Variants in LRRC56 observed in about 807,000 individuals in gnomAD.
LRRC56 encodes leucine-rich repeat-containing protein 56.
In LRRC56, 41 loss-of-function variants were observed where a neutral mutation model predicts 47.8. The observed-to-expected ratio is 0.86, with a 90% CI of 0.67 to 1.11. The LOEUF (loss-of-function observed/expected upper bound fraction) is 1.11. Among genes scored for constraint, LRRC56 ranks in the 50% most tolerant of loss-of-function variants. The pLI is 0.00. For synonymous variants in LRRC56, 387 were observed against 311.2 expected, an observed-to-expected ratio of 1.24 and a Z score of -2.56; for missense variants, 759 against 704.2, an observed-to-expected ratio of 1.08 and a Z score of -0.88.
rs1851799144 is a variant in LRRC56, at chr11:541,620, C to G, written c.261C>G (p.Asn87Lys). The G allele has an allele frequency of 6.4e-7, 1 of 1,567,988 alleles. No individual in the cohort carries two copies. Among genetic ancestry groups the G allele is most frequent in the African/African-American group, 1.4e-5 (1 of 72,950 alleles). Residue 87 changes from asparagine to lysine, a missense_variant, in exon 5 of 14, where the codon AAC becomes AAG. Physicochemically the swap from Asn to Lys is moderately conservative, Grantham distance 94. Transcript: ENST00000270115. This position sits in a 1 kb window ranked among gnomAD's most constrained non-coding sequence, Gnocchi z 4.1. ...ACACTCGTGAGGGCAGCCTGGGGAA[C>G]TTTGGTGAGCCTCTTCCCACCCCGC... Reference protein sequence around the residue: ...CVDTREGSLGNFGVHLPNLDQ... With the variant: ...CVDTREGSLGKFGVHLPNLDQ...
At chr11:527,187 G>A in the LRRC56 span, among the ~76,000 whole-genome samples, 2 of 151,954 alleles carry the variant, frequency 1.3e-5, no homozygotes, top group African/African-American at 4.8e-5. Context: ...TGTAATCCCA[G>A]CTACTCAGGA....
At chr11:530,150 C>T in the LRRC56 span, among the ~76,000 whole-genome samples, 1 of 152,146 alleles carries the variant, frequency 6.6e-6, no homozygotes, top group Non-Finnish European at 1.5e-5. Flanking sequence ...CCACGTCTGT[C>T]CTGGACACCC....
chr11:510,329 C>T, the LRRC56 span, among the ~76,000 whole-genome samples: 4 of 152,154 alleles, frequency 2.6e-5, no homozygotes, highest in Non-Finnish European at 5.9e-5. Flanking sequence ...AGGTCAGGCA[C>T]GGTGGCTCAC....
At chr11:532,032 G>A in the LRRC56 span, among the ~76,000 whole-genome samples, 1 of 152,214 alleles carries the variant, frequency 6.6e-6, no homozygotes, top group Non-Finnish European at 1.5e-5. Context: ...CTTATGATCT[G>A]CCTGCTTGTC....
At chr11:512,254 G>C in the LRRC56 span, among the ~76,000 whole-genome samples, 1 of 151,396 alleles carries the variant, frequency 6.6e-6, no homozygotes, top group Non-Finnish European at 1.5e-5. Context: ...TTTCATTTTT[G>C]AGATGGAGTC....
At chr11:547,142 G>C (rs1852123535) in intron 6 of LRRC56, among the ~76,000 whole-genome samples, 1 of 151,910 alleles carries the variant, frequency 6.6e-6, no homozygotes, top group East Asian at 2.0e-4. Flanking sequence ...TGAGGCATGA[G>C]AATCACTTGG....
intron 6 of LRRC56, among the ~76,000 whole-genome samples, chr11:546,494 G>A (rs966581479): frequency 6.6e-5 from 10 of 152,118 alleles, no homozygotes; most frequent in Non-Finnish European, 1.5e-4. Flanking sequence ...CGTGAACCCA[G>A]GAGGCGGAGC....
At chr11:545,391 G>C (rs545777254) in intron 6 of LRRC56, among the ~76,000 whole-genome samples, 442 of 152,336 alleles carry the variant, frequency 2.9e-3, no homozygotes, top group Admixed American at 6.3e-3. Flanking sequence ...ATGAGGCCAC[G>C]AGCTTGGGGT....
intron 8 of LRRC56, among the ~76,000 whole-genome samples, chr11:550,492 C>T (rs951958436): frequency 6.6e-6 from 1 of 152,202 alleles, no homozygotes; most frequent in Non-Finnish European, 1.5e-5. Flanking sequence ...CCTGCACACA[C>T]GCCATGTCCC....
At chr11:532,493 CA>C in the LRRC56 span, 1 of 1,135,060 alleles carries the variant, frequency 8.8e-7, no homozygotes, top group Non-Finnish European at 1.3e-6. Context: ...CTCCTTCCTG[CA>C]TCCGGCACCT....
In LRRC56 at chr11:550,151, AG is replaced by A; in HGVS notation, c.506del (p.Gly169AlafsTer51). On this transcript the variant is annotated frameshift_variant, in exon 8 of 14. Coordinates refer to ENST00000270115, the MANE Select transcript of LRRC56 (RefSeq NM_198075.4). LOFTEE classifies it high-confidence loss of function. Reference protein sequence around the residue: ...LLEQLEVLDLEGNSVEDLGQV... With the variant: ...LLEQLEVLDLXGNSVEDLGQV... ...GAACAATTGGAGGTGCTGGACCTGG[AG>A]GGCAACAGCGTGGAGGACCTGGGGC... The A allele has an allele frequency of 6.2e-7, 1 of 1,613,448 alleles. No homozygotes were observed. The highest frequency in any genetic ancestry group is 1.7e-4 in the Middle Eastern group (1 of 6,060).
intron 6 of LRRC56, among the ~76,000 whole-genome samples, chr11:547,389 C>T (rs151294271): frequency 3.3e-5 from 5 of 150,870 alleles, no homozygotes; most frequent in African/African-American, 1.2e-4. Context: ...AGTCTCACTC[C>T]GTTGCCCAGG....
the LRRC56 span, among the ~76,000 whole-genome samples, chr11:527,040 G>A: frequency 1.6e-4 from 24 of 152,092 alleles, no homozygotes; most frequent in African/African-American, 7.2e-5. Context: ...GGTGGCTCAC[G>A]CCTGTAATCC....
chr11:550,469 T>A (rs1376393204), intron 8 of LRRC56, among the ~76,000 whole-genome samples, 197 bp downstream of exon 8: 1 of 152,142 alleles, frequency 6.6e-6, no homozygotes, highest in Middle Eastern at 3.2e-3. Flanking sequence ...CCCCGCTAGA[T>A]CCCACAGGGT....
chr11:514,802 C>A, the LRRC56 span, among the ~76,000 whole-genome samples: 1 of 152,122 alleles, frequency 6.6e-6, no homozygotes, highest in Non-Finnish European at 1.5e-5. Flanking sequence ...GGCTTTATTG[C>A]GACATTTGTG....
At chr11:543,466 C>T (rs966184855) in intron 5 of LRRC56, among the ~76,000 whole-genome samples, 5 of 152,154 alleles carry the variant, frequency 3.3e-5, no homozygotes, top group African/African-American at 9.7e-5. Flanking sequence ...CCACCCGCCT[C>T]GGCCTCCCAA....
chr11:529,498 A>G, the LRRC56 span: 1 of 152,238 alleles, frequency 6.6e-6, no homozygotes, highest in East Asian at 1.9e-4. Context: ...AGTTGTGGAC[A>G]ATGAGGGATC....
At chr11:509,673 G>A in the LRRC56 span, among the ~76,000 whole-genome samples, 14 of 151,436 alleles carry the variant, frequency 9.2e-5, no homozygotes, top group South Asian at 8.3e-4. Context: ...TCAGCCTCCC[G>A]AGTAGCTGGG....
At chr11:543,756 A>ATT (rs139566963) in intron 5 of LRRC56, among the ~76,000 whole-genome samples, 13 of 148,110 alleles carry the variant, frequency 8.8e-5, no homozygotes, top group East Asian at 2.0e-4. Flanking sequence ...CCCTTCTTTT[A>ATT]TTTTTTTTTT....
Sources: allele counts gnomAD v4.1 joint callset (sites outside exome capture counted in the v4.1 genomes callset), GRCh38; gene constraint gnomAD v4.1.1; non-coding constraint Gnocchi (gnomAD v3.1); transcripts MANE v1.5; gene names NCBI Gene and HGNC (gene_info 2026-07-23, HGNC 2026-07-21).